The following NAV2 variants were observed in gnomAD, a reference collection of about 807,000 sequenced individuals.
NAV2 encodes the protein helicase, APC down-regulated 1.
NAV2 carries 54 observed loss-of-function variants against 223.2 expected under a neutral mutation model. The observed-to-expected ratio is 0.24, with a 90% CI of 0.19 to 0.30. The LOEUF (loss-of-function observed/expected upper bound fraction) is 0.30. Ranked by LOEUF, NAV2 falls within the 10% of genes least tolerant of loss-of-function variation. NAV2 has a pLI of 1.00. For synonymous variants in NAV2, 1,279 were observed against 1,239.3 expected (o/e 1.03, Z -0.67); for missense variants, 2,806 against 3,147.5 (o/e 0.89, Z 2.60).
chr11:19,718,820 A>T, intron 1 of NAV2, among the ~76,000 whole-genome samples: 1 of 152,160 alleles, frequency 6.6e-6, no homozygotes, highest in East Asian at 1.9e-4. Context: ...AAATACATCT[A>T]CTTCTGGATA....
chr11:20,095,299 T>C (rs1001328739), intron 29 of NAV2, among the ~76,000 whole-genome samples: 8 of 152,202 alleles, frequency 5.3e-5, no homozygotes, highest in Non-Finnish European at 1.0e-4. Context: ...GGTTAATCAC[T>C]GAAGGCTTCC....
At chr11:20,008,103 A>G (rs910892672) in intron 11 of NAV2, among the ~76,000 whole-genome samples, 1 of 152,178 alleles carries the variant, frequency 6.6e-6, no homozygotes, top group African/African-American at 2.4e-5. Flanking sequence ...ACGGTGGCTT[A>G]TGCCTGTAAT....
Position 20,118,966 on chromosome 11 carries a change from G to A in NAV2, c.*708G>A, listed in dbSNP as rs184226098. The A allele has an allele frequency of 1.8e-4, 28 of 152,728 alleles. No homozygotes were observed. The highest frequency in any genetic ancestry group is 3.9e-4 in the East Asian group (2 of 5,184). 9.5% of individuals were successfully genotyped at this position (152,728 alleles called of 1,614,324 possible). ...GTCCATCAGCCTCTGATTAATATCC[G>A]TGAGAGTGAGTGACGGAGTGAGAGT... On this transcript the variant is annotated 3_prime_UTR_variant, in exon 38 of 38. Transcript: ENST00000349880.
chr11:19,777,566 A>G (rs1565298735), intron 1 of NAV2: 3 of 453,026 alleles, frequency 6.6e-6, no homozygotes, highest in Non-Finnish European at 1.3e-5. Flanking sequence ...TCTACTTTTT[A>G]ACCCCCCACC....
At chr11:19,911,470 ACTCT>A (rs1218409705) in intron 6 of NAV2, among the ~76,000 whole-genome samples, 3 of 151,982 alleles carry the variant, frequency 2.0e-5, no homozygotes, top group Non-Finnish European at 4.4e-5. Flanking sequence ...AGGCAAAATG[ACTCT>A]CTCAATTCTA....
chr11:19,819,938 G>A (rs376336874), intron 1 of NAV2, among the ~76,000 whole-genome samples: 2 of 152,202 alleles, frequency 1.3e-5, no homozygotes, highest in Non-Finnish European at 2.9e-5. Flanking sequence ...CCTGTCAGAC[G>A]TCAATCAAGA....
chr11:19,573,581 C>T (rs2045486650), intron 1 of NAV2, among the ~76,000 whole-genome samples: 1 of 152,164 alleles, frequency 6.6e-6, no homozygotes, highest in South Asian at 2.1e-4. Context: ...GCGGGCAGTG[C>T]CTGACATCTG....
chr11:19,798,730 G>C (rs1319452544), intron 1 of NAV2, among the ~76,000 whole-genome samples: 1 of 152,184 alleles, frequency 6.6e-6, no homozygotes, highest in African/African-American at 2.4e-5. Context: ...CCATTTTACA[G>C]ATAGAGAAAA....
intron 1 of NAV2, among the ~76,000 whole-genome samples, chr11:19,795,681 G>A (rs1243609948): frequency 2.0e-5 from 3 of 152,186 alleles, no homozygotes; most frequent in Admixed American, 6.5e-5. Flanking sequence ...AACTACTAAA[G>A]CTCACATAAT....
chr11:19,866,826 G>T (rs999267350), intron 3 of NAV2, among the ~76,000 whole-genome samples: 1 of 151,874 alleles, frequency 6.6e-6, no homozygotes, highest in African/African-American at 2.4e-5. Context: ...TACTATTTTT[G>T]ATTTTGCAAT....
intron 35 of NAV2, chr11:20,107,165 C>A (rs2062205641): frequency 7.1e-6 from 1 of 139,962 alleles, no homozygotes; most frequent in Non-Finnish European, 1.5e-5. Flanking sequence ...GCAAGCTCTG[C>A]CTCCCAGGTT....
intron 1 of NAV2, among the ~76,000 whole-genome samples, chr11:19,762,307 G>A (rs776160468): frequency 3.3e-5 from 5 of 152,092 alleles, no homozygotes; most frequent in Non-Finnish European, 7.4e-5. Flanking sequence ...CACACATGCC[G>A]AATACTTCTT....
intron 1 of NAV2, among the ~76,000 whole-genome samples, chr11:19,371,908 G>C (rs1848484431): frequency 6.6e-6 from 1 of 151,802 alleles, no homozygotes; most frequent in African/African-American, 2.4e-5. Flanking sequence ...CTCCTGAGTA[G>C]CTGGGATTAC....
intron 6 of NAV2, among the ~76,000 whole-genome samples, chr11:19,907,460 CT>C (rs1427657907): frequency 6.6e-6 from 1 of 152,114 alleles, no homozygotes; most frequent in Non-Finnish European, 1.5e-5. Context: ...ACCCTGTTAT[CT>C]TTTGCTCCTG....
intron 3 of NAV2, among the ~76,000 whole-genome samples, chr11:19,867,659 G>A (rs1184509901): frequency 6.6e-6 from 1 of 152,216 alleles, no homozygotes; most frequent in Non-Finnish European, 1.5e-5. Context: ...ATGGAGGTTG[G>A]AAAGGAGATG....
At chr11:20,095,638 T>C (rs375423127) in intron 29 of NAV2, 34 bp from the exon 30 acceptor site, 1 of 1,478,546 alleles carries the variant, frequency 6.8e-7, no homozygotes, top group Non-Finnish European at 9.5e-7. Flanking sequence ...AAGATCCACC[T>C]GTTTTTCACC....
At chr11:20,016,415 T>C (rs1299799234) in intron 11 of NAV2, among the ~76,000 whole-genome samples, 2 of 152,258 alleles carry the variant, frequency 1.3e-5, no homozygotes, top group African/African-American at 4.8e-5. Context: ...GAATGAAATC[T>C]TTTGTTTAGA....
chr11:20,063,180 G>A (rs1456541308), intron 20 of NAV2, among the ~76,000 whole-genome samples: 1 of 152,096 alleles, frequency 6.6e-6, no homozygotes, highest in Non-Finnish European at 1.5e-5. Flanking sequence ...TTTTTAAGTA[G>A]GTTTGAAAGA....
intron 1 of NAV2, among the ~76,000 whole-genome samples, chr11:19,386,842 A>G (rs917294831): frequency 6.6e-6 from 1 of 152,096 alleles, no homozygotes; most frequent in African/African-American, 2.4e-5. Context: ...CTGGAAAACA[A>G]TCAAGCATGG....
Sources: allele counts gnomAD v4.1 joint callset (sites outside exome capture counted in the v4.1 genomes callset), GRCh38; gene constraint gnomAD v4.1.1; transcripts MANE v1.5; gene names NCBI Gene and HGNC (gene_info 2026-07-23, HGNC 2026-07-21).